SUSD4: variants seen among roughly 807,000 people sequenced by gnomAD.
SUSD4 encodes sushi domain containing 4, also known as sushi domain-containing protein 4.
A neutral mutation model predicts 50.5 loss-of-function variants in SUSD4; 41 were observed. That is an observed-to-expected ratio of 0.81 (90% CI 0.63 to 1.05). SUSD4 has a LOEUF of 1.05. Ranked by LOEUF, SUSD4 falls within the 50% of genes least tolerant of loss-of-function variation. The pLI, the probability that SUSD4 is intolerant of heterozygous loss-of-function variation, is 0.00. For synonymous variants in SUSD4, 257 were observed against 257.3 expected (o/e 1.00, Z 0.01); for missense variants, 580 against 634.7 (o/e 0.91, Z 0.93).
chr1:223,274,288 A>T (rs192362760), intron 3 of SUSD4, among the ~76,000 whole-genome samples: 1 of 152,348 alleles, frequency 6.6e-6, no homozygotes, highest in East Asian at 1.9e-4. Flanking sequence ...AACGAAAGGC[A>T]GAGAAAACGA....
chr1:223,335,065 G>A (rs767329274), intron 2 of SUSD4, among the ~76,000 whole-genome samples: 5 of 151,976 alleles, frequency 3.3e-5, no homozygotes, highest in Non-Finnish European at 7.4e-5. Context: ...CCTTTTTATG[G>A]CTGACTAGTA....
intron 3 of SUSD4, among the ~76,000 whole-genome samples, chr1:223,275,770 T>C (rs927088398): frequency 3.3e-5 from 5 of 151,998 alleles, no homozygotes; most frequent in Non-Finnish European, 7.4e-5. Context: ...TGATGGGCTA[T>C]GCAAGGTCAG....
At chr1:223,247,854 G>A (rs1402129272) in intron 5 of SUSD4, among the ~76,000 whole-genome samples, 1 of 152,152 alleles carries the variant, frequency 6.6e-6, no homozygotes, top group Non-Finnish European at 1.5e-5. Context: ...ATGGTCAGGA[G>A]ACCCCCTCCA....
At chr1:223,297,352 T>G (rs1664895616) in intron 2 of SUSD4, among the ~76,000 whole-genome samples, 2 of 152,144 alleles carry the variant, frequency 1.3e-5, no homozygotes, top group African/African-American at 4.8e-5. Context: ...TGTACTAAAA[T>G]TTTAAGATGA....
Position 223,223,556 on chromosome 1 carries a change from A to G in SUSD4, c.1137T>C (p.Tyr379=). 3.7e-6 allele frequency: 6 copies of G among 1,613,528 alleles called. No homozygotes were observed. The highest frequency in any genetic ancestry group is 5.1e-6 in the Non-Finnish European group (6 of 1,179,832). ...VDGVPVMLPS[Y]DEAVSGGLSA... ...TCAAGCCGCCACTCACAGCTTCGTC[A>G]TAGGACGGGAGCATGACGGGCACGC... Residue 379 remains tyrosine (Y), a synonymous_variant, in exon 8 of 9, where the codon TAT becomes TAC. Coordinates refer to ENST00000366878, the MANE Select transcript of SUSD4 (RefSeq NM_017982.4).
intron 5 of SUSD4, among the ~76,000 whole-genome samples, chr1:223,245,327 C>G (rs755728971): frequency 7.3e-5 from 11 of 151,310 alleles, no homozygotes; most frequent in Non-Finnish European, 1.3e-4. Flanking sequence ...CCCTTCACTA[C>G]AGAGAGATGA....
At chr1:223,363,191 G>C in intron 2 of SUSD4, 87 bp downstream of exon 2, 1 of 1,348,518 alleles carries the variant, frequency 7.4e-7, no homozygotes, top group South Asian at 2.0e-5. Context: ...GGTGTATGGG[G>C]GAGGGGTGCA....
intron 2 of SUSD4, among the ~76,000 whole-genome samples, chr1:223,350,023 C>T (rs1668269251): frequency 6.6e-6 from 1 of 152,174 alleles, no homozygotes; most frequent in African/African-American, 2.4e-5. Context: ...CCTGCACCCA[C>T]ACCAAGGAAA....
intron 3 of SUSD4, among the ~76,000 whole-genome samples, chr1:223,278,966 T>C (rs969261824): frequency 1.4e-4 from 21 of 151,944 alleles, no homozygotes; most frequent in African/African-American, 5.1e-4. Flanking sequence ...GGGTCTGGAG[T>C]AGACCTCCAG....
Position 223,260,850 on chromosome 1 carries a change from TC to T in SUSD4, c.724+3779del, listed in dbSNP as rs1203127896. ...TGGTGAGGCTGCCAAAGCGTTTCCT[TC>T]CAAATTATCAACTCCTTCATGAAGC... is the stretch of plus-strand genomic sequence containing the variant. On this transcript the variant is annotated intron_variant, in intron 5 of 8. Coordinates refer to ENST00000366878, the MANE Select transcript of SUSD4 (RefSeq NM_017982.4). Among the ~76,000 whole-genome samples, 3 of 152,116 alleles carry T rather than the reference TC, an allele frequency of 2.0e-5. No individual in the cohort carries two copies. In the East Asian group the frequency reaches 5.8e-4, roughly 29 times the overall value.
intron 3 of SUSD4, among the ~76,000 whole-genome samples, chr1:223,271,471 C>A (rs1167002156): frequency 6.6e-6 from 1 of 152,136 alleles, no homozygotes; most frequent in African/African-American, 2.4e-5. Flanking sequence ...GATGTGCCCT[C>A]CTGAAAGAAG....
intron 3 of SUSD4, 28 bp downstream of exon 3, chr1:223,292,411 G>A: frequency 1.2e-6 from 2 of 1,612,908 alleles, no homozygotes; most frequent in Non-Finnish European, 1.7e-6. Flanking sequence ...CCACATGAGT[G>A]GCTTCCGTGG....
At chr1:223,300,445 T>A (rs1239317183) in intron 2 of SUSD4, among the ~76,000 whole-genome samples, 1 of 152,210 alleles carries the variant, frequency 6.6e-6, no homozygotes, top group African/African-American at 2.4e-5. Context: ...TGCTGAAACC[T>A]ACCAGTTTTA....
At chr1:223,232,022 A>G (rs1250622955) in intron 5 of SUSD4, among the ~76,000 whole-genome samples, 1 of 152,238 alleles carries the variant, frequency 6.6e-6, no homozygotes, top group African/African-American at 2.4e-5. Context: ...TTAGGACACA[A>G]TGGAGAAACG....
intron 5 of SUSD4, among the ~76,000 whole-genome samples, chr1:223,254,538 T>G (rs934474166): frequency 6.6e-6 from 1 of 152,010 alleles, no homozygotes; most frequent in African/African-American, 2.4e-5. Flanking sequence ...ATGAGGACCA[T>G]CTATCATGTT....
chr1:223,248,068 T>C (rs1013039182), intron 5 of SUSD4, among the ~76,000 whole-genome samples: 2 of 152,184 alleles, frequency 1.3e-5, no homozygotes, highest in Non-Finnish European at 2.9e-5. Flanking sequence ...AATCAGAAAC[T>C]TTATTTCAGC....
intron 2 of SUSD4, among the ~76,000 whole-genome samples, chr1:223,321,987 C>T (rs2103248182): frequency 6.6e-6 from 1 of 152,304 alleles, no homozygotes; most frequent in East Asian, 1.9e-4. Flanking sequence ...ACCGATTGAG[C>T]ATCCCAAATC....
chr1:223,298,006 G>A (rs1664941906), intron 2 of SUSD4, among the ~76,000 whole-genome samples: 1 of 151,828 alleles, frequency 6.6e-6, no homozygotes, highest in African/African-American at 2.4e-5. Context: ...GGATAAATGG[G>A]TAGATGAATA....
Position 223,221,705 on chromosome 1 carries a change from C to T in SUSD4, c.*487G>A, listed in dbSNP as rs2102983918. On this transcript the variant is annotated 3_prime_UTR_variant, in exon 9 of 9. Coordinates refer to ENST00000366878, the MANE Select transcript of SUSD4 (RefSeq NM_017982.4). ...GGTCCCTTGCTGAGGGTGCAGGAGGCTCTGCTGTTCTTCCAGCATCTCAAC... is the reference window on the plus strand; with the variant it reads ...GGTCCCTTGCTGAGGGTGCAGGAGGTTCTGCTGTTCTTCCAGCATCTCAAC... 6.4e-6 allele frequency: 1 copy of T among 155,314 alleles called. No homozygotes were observed. The highest frequency in any genetic ancestry group is 1.9e-4 in the East Asian group (1 of 5,258). The allele number at this position is 155,314 out of a possible 1,614,324, so 9.6% of individuals were successfully genotyped here. A position where few individuals can be genotyped will look rare whatever the true frequency, so the allele number is the denominator to read the frequency against.
Sources: gnomAD v4.1 joint callset for allele counts (sites outside exome capture counted in the v4.1 genomes callset) on GRCh38, gnomAD v4.1.1 for gene constraint, MANE v1.5 for transcripts, NCBI Gene and HGNC (gene_info 2026-07-23, HGNC 2026-07-21) for gene names.